The following ADK variants were observed in gnomAD, a reference collection of about 807,000 sequenced individuals.
The protein encoded by ADK is N6,N6-dimethyladenosine kinase.
Under a neutral mutation model 44.7 loss-of-function variants are expected in ADK, and 24 were observed. The ratio of observed to expected loss-of-function variants is 0.54; its 90% CI spans 0.39 to 0.76. ADK has a LOEUF of 0.76. Among genes scored for constraint, ADK ranks in the 30% least tolerant of loss-of-function variants. The pLI is 0.00. For synonymous variants in ADK, 128 were observed against 142.6 expected, an observed-to-expected ratio of 0.90 and a Z score of 0.73; for missense variants, 321 against 425.1, an observed-to-expected ratio of 0.76 and a Z score of 2.15.
intron 4 of ADK, among the ~76,000 whole-genome samples, chr10:74,379,462 T>A (rs1465425952): frequency 1.3e-5 from 2 of 152,230 alleles, no homozygotes; most frequent in Non-Finnish European, 2.9e-5. Flanking sequence ...TTGATTAAAA[T>A]CCTTCAGTGA....
In ADK at chr10:74,216,736, T is replaced by TA. The variant is rs1398739463; in HGVS notation, c.141-7790dup. On this transcript the variant is annotated intron_variant, in intron 2 of 10. Transcript: ENST00000539909. Reference sequence around the variant, plus strand: ...TGAAACTCTGTCTCAAAAAAAAAAATAAAAAAAAAAAAGTTTCACAGACAA... The same window carrying TA: ...TGAAACTCTGTCTCAAAAAAAAAAATAAAAAAAAAAAAAGTTTCACAGACAA... 8.6e-4 allele frequency among the ~76,000 whole-genome samples: 87 copies of TA among 100,724 alleles called. 1 individual carries two copies. Among genetic ancestry groups the TA allele is most frequent in the Middle Eastern group, 4.6e-3 (1 of 216 alleles). 66.1% of individuals were successfully genotyped at this position (100,724 alleles called of 152,430 possible). A position where few individuals can be genotyped will look rare whatever the true frequency, so the allele number is the denominator to read the frequency against.
rs57106986 is a variant in ADK, at chr10:74,424,535, C to CAAAAAAAAAAAAAA, written c.555+25976_555+25989dup. 3.4e-4 allele frequency among the ~76,000 whole-genome samples: 20 copies of CAAAAAAAAAAAAAA among 58,460 alleles called. 1 individual carries two copies. Among genetic ancestry groups the CAAAAAAAAAAAAAA allele is most frequent in the African/African-American group, 1.2e-3 (17 of 13,736 alleles). 38.4% of individuals were successfully genotyped at this position (58,460 alleles called of 152,430 possible). A position where few individuals can be genotyped will look rare whatever the true frequency, so the allele number is the denominator to read the frequency against. ...GGGCAACAAGAGCAAAACTCCGTCT[C>CAAAAAAAAAAAAAA]AAAAAAAAAAAAAAAAAAAAAAAAA... On this transcript the variant is annotated intron_variant, in intron 6 of 10. Transcript: ENST00000539909.
At chr10:74,324,788 G>A (rs1347034330) in intron 4 of ADK, among the ~76,000 whole-genome samples, 1 of 152,150 alleles carries the variant, frequency 6.6e-6, no homozygotes, top group East Asian at 1.9e-4. Flanking sequence ...TGGATCACAT[G>A]TTGTACCGTT....
chr10:74,553,732 A>G (rs1850136423), intron 7 of ADK, among the ~76,000 whole-genome samples: 1 of 152,204 alleles, frequency 6.6e-6, no homozygotes, highest in Non-Finnish European at 1.5e-5. Context: ...AAGAGACAGT[A>G]GAAAACTTTC....
At chr10:74,376,485 T>G (rs1334082632) in intron 4 of ADK, among the ~76,000 whole-genome samples, 1 of 152,146 alleles carries the variant, frequency 6.6e-6, no homozygotes, top group Admixed American at 6.5e-5. Flanking sequence ...AGTAATTATT[T>G]ACATTTGCCA....
chr10:74,238,055 T>C (rs769750385), intron 3 of ADK, among the ~76,000 whole-genome samples: 1 of 151,992 alleles, frequency 6.6e-6, no homozygotes, highest in African/African-American at 2.4e-5. Context: ...GATTGCACCA[T>C]TGCACTCCAG....
intron 4 of ADK, among the ~76,000 whole-genome samples, chr10:74,332,721 A>G (rs1230613201): frequency 1.3e-5 from 2 of 152,218 alleles, no homozygotes; most frequent in Admixed American, 6.5e-5. Context: ...TATTAGAAAT[A>G]TAACTCCATT....
At chr10:74,543,645 G>A (rs1278735341) in intron 7 of ADK, among the ~76,000 whole-genome samples, 10 of 152,270 alleles carry the variant, frequency 6.6e-5, no homozygotes, top group Non-Finnish European at 1.3e-4. Context: ...AGTAGTGTAG[G>A]TGAATGCCTG....
At chr10:74,354,315 TC>T (rs35474264) in intron 4 of ADK, among the ~76,000 whole-genome samples, 97,931 of 151,928 alleles carry the variant, frequency 0.64, 32,875 homozygotes, top group Middle Eastern at 0.79. Context: ...ACGGAAGTAT[TC>T]CAGTAACTCT....
At chr10:74,524,452 G>A (rs192657688) in intron 6 of ADK, among the ~76,000 whole-genome samples, 27 of 152,242 alleles carry the variant, frequency 1.8e-4, no homozygotes, top group Admixed American at 3.9e-4. Context: ...GAGTGCAGTG[G>A]TGTCATCTCG....
intron 6 of ADK, among the ~76,000 whole-genome samples, chr10:74,486,124 T>TG (rs1311736319): frequency 6.6e-6 from 1 of 152,122 alleles, no homozygotes; most frequent in African/African-American, 2.4e-5. Context: ...GATTGGATCA[T>TG]GGGGGCGGTA....
At chr10:74,351,229 A>G (rs1433738404) in intron 4 of ADK, among the ~76,000 whole-genome samples, 1 of 152,202 alleles carries the variant, frequency 6.6e-6, no homozygotes, top group Non-Finnish European at 1.5e-5. Context: ...CTTATCCACC[A>G]CAATCAAGTC....
At chr10:74,333,600 CA>C (rs1337705518) in intron 4 of ADK, among the ~76,000 whole-genome samples, 14 of 151,968 alleles carry the variant, frequency 9.2e-5, no homozygotes, top group African/African-American at 3.1e-4. Context: ...GGATGCCTGC[CA>C]AATGTTATTT....
chr10:74,394,994 T>G (rs1244077677), intron 5 of ADK, among the ~76,000 whole-genome samples: 5 of 152,200 alleles, frequency 3.3e-5, no homozygotes, highest in Admixed American at 2.0e-4. Flanking sequence ...GAGATACTCC[T>G]TCAGTGTATT....
intron 8 of ADK, among the ~76,000 whole-genome samples, chr10:74,595,407 G>GGCTGGAGTGCAGTGCA (rs371039424): frequency 9.3e-6 from 1 of 107,758 alleles, no homozygotes; most frequent in African/African-American, 3.6e-5. Flanking sequence ...AGGGGGTTTG[G>GGCTGGAGTGCAGTGCA]CTTTGTCACG....
At chr10:74,454,560 C>G (rs538435813) in intron 6 of ADK, among the ~76,000 whole-genome samples, 1 of 152,228 alleles carries the variant, frequency 6.6e-6, no homozygotes, top group South Asian at 2.1e-4. Context: ...ACTTCTGAAT[C>G]TCTCTTTATG....
intron 6 of ADK, 105 bp from the exon 7 acceptor site, chr10:74,525,151 T>C: frequency 8.7e-7 from 1 of 1,146,844 alleles, no homozygotes; most frequent in East Asian, 2.5e-5. Context: ...CATCTTATAA[T>C]TGTATTTTAT....
chr10:74,313,706 CT>C (rs566862733), intron 3 of ADK, among the ~76,000 whole-genome samples: 47 of 148,562 alleles, frequency 3.2e-4, no homozygotes, highest in Middle Eastern at 3.5e-3. Context: ...TATGTTTCAC[CT>C]TTTTTTTTTC....
chr10:74,157,703 A>G (rs1042254087), intron 1 of ADK, among the ~76,000 whole-genome samples: 4 of 146,562 alleles, frequency 2.7e-5, no homozygotes, highest in African/African-American at 7.6e-5. Flanking sequence ...ACATGGAGAA[A>G]CTCCATCTTT....
Sources: gnomAD v4.1 joint callset for allele counts (sites outside exome capture counted in the v4.1 genomes callset) on GRCh38, gnomAD v4.1.1 for gene constraint, MANE v1.5 for transcripts, NCBI Gene and HGNC (gene_info 2026-07-23, HGNC 2026-07-21) for gene names.